Variants in L3MBTL3 observed in about 807,000 individuals in gnomAD.
The protein encoded by L3MBTL3 is lethal(3)malignant brain tumor-like protein 3.
Under a neutral mutation model 102.3 loss-of-function variants are expected in L3MBTL3, and 27 were observed. The observed-to-expected ratio is 0.26, with a 90% confidence interval of 0.19 to 0.36. The LOEUF (loss-of-function observed/expected upper bound fraction) is 0.36, where lower values mean the gene tolerates loss of function less well. L3MBTL3 is among the 10% of genes least tolerant of loss of function. The pLI, the probability that L3MBTL3 is intolerant of heterozygous loss-of-function variation, is 1.00. For missense variants in L3MBTL3, 798 were observed against 955.3 expected, an observed-to-expected ratio of 0.84 and a Z score of 2.17; for synonymous variants, 340 against 320.9, an observed-to-expected ratio of 1.06 and a Z score of -0.64.
intron 22 of L3MBTL3, among the ~76,000 whole-genome samples, chr6:130,134,463 C>T (rs181341575): frequency 1.2e-4 from 19 of 152,266 alleles, no homozygotes; most frequent in African/African-American, 4.3e-4. Context: ...ACTCCCTCTC[C>T]AAAACTTCAA....
At chr6:130,038,672 C>T (rs1283121853) in intron 2 of L3MBTL3, among the ~76,000 whole-genome samples, 1 of 151,768 alleles carries the variant, frequency 6.6e-6, no homozygotes, top group African/African-American at 2.4e-5. Flanking sequence ...GATATTAATC[C>T]CTTGTCAGAT....
intron 16 of L3MBTL3, among the ~76,000 whole-genome samples, chr6:130,088,159 C>G (rs1309965946): frequency 1.3e-5 from 2 of 152,072 alleles, no homozygotes; most frequent in Non-Finnish European, 2.9e-5. Flanking sequence ...GTCCATAACA[C>G]CCCAGAAATA....
chr6:130,079,258 C>G (rs1783158818), intron 14 of L3MBTL3, among the ~76,000 whole-genome samples: 1 of 152,104 alleles, frequency 6.6e-6, no homozygotes, highest in Non-Finnish European at 1.5e-5. Flanking sequence ...GTCGTGATTC[C>G]TGGTTCCAAA....
intron 1 of L3MBTL3, among the ~76,000 whole-genome samples, chr6:130,021,070 G>GT (rs1778980897): frequency 1.3e-5 from 2 of 152,050 alleles, no homozygotes; most frequent in Non-Finnish European, 2.9e-5. Context: ...TATTGGTTTA[G>GT]GGAGTCCGAG....
rs1788167185 is a variant in L3MBTL3, at chr6:130,140,410, C to T, written c.*657C>T. The T allele has an allele frequency of 6.6e-6, 1 of 152,588 alleles. No individual in the cohort carries two copies. Among genetic ancestry groups the T allele is most frequent in the Middle Eastern group, 3.4e-3 (1 of 294 alleles). The allele number at this position is 152,588 out of a possible 1,614,324, so 9.5% of individuals were successfully genotyped here. On this transcript the variant is annotated 3_prime_UTR_variant, in exon 23 of 23. Coordinates refer to ENST00000361794, the MANE Select transcript of L3MBTL3 (RefSeq NM_032438.4). ...GAAATGTTAAACAAATTACTTTTCA[C>T]CAGCATCTTTACTATAATTACCAAA... is the stretch of plus-strand genomic sequence containing the variant.
intron 18 of L3MBTL3, among the ~76,000 whole-genome samples, 153 bp downstream of exon 18, chr6:130,094,520 G>A (rs1445133446): frequency 6.6e-6 from 1 of 152,004 alleles, no homozygotes; most frequent in Non-Finnish European, 1.5e-5. Flanking sequence ...AAAAATGAAG[G>A]GAATATCTAT....
At chr6:130,031,436 T>C (rs1195899529) in intron 2 of L3MBTL3, among the ~76,000 whole-genome samples, 1 of 152,252 alleles carries the variant, frequency 6.6e-6, no homozygotes, top group African/African-American at 2.4e-5. Flanking sequence ...TAAGTGACTC[T>C]GGGAAACTTT....
At chr6:130,120,820 C>A in intron 19 of L3MBTL3, 59 bp from the exon 20 acceptor site, 1 of 1,309,314 alleles carries the variant, frequency 7.6e-7, no homozygotes, top group Non-Finnish European at 1.1e-6. Flanking sequence ...AGATGTAGTT[C>A]TGAACCATTT....
At chr6:130,059,279 T>C (rs1475490886) in intron 9 of L3MBTL3, among the ~76,000 whole-genome samples, 1 of 152,236 alleles carries the variant, frequency 6.6e-6, no homozygotes, top group Non-Finnish European at 1.5e-5. Flanking sequence ...ATAAGCAATA[T>C]ATATATACAC....
intron 19 of L3MBTL3, among the ~76,000 whole-genome samples, chr6:130,106,174 T>A (rs1179344016): frequency 3.9e-5 from 6 of 152,220 alleles, no homozygotes; most frequent in Non-Finnish European, 7.3e-5. Context: ...TTACTACCTA[T>A]TAAAACCTAA....
Position 130,140,852 on chromosome 6 carries a change from A to AATT in L3MBTL3, c.*1100_*1102dup, listed in dbSNP as rs1348399326. ...GAAGGAGCAACTTCAGTTGACACAA[A>AATT]ATTTGAAATGCTCACAGATCAGGGA... On this transcript the variant is annotated 3_prime_UTR_variant, in exon 23 of 23. Transcript: ENST00000361794. 2.0e-5 allele frequency: 3 copies of AATT among 152,564 alleles called. No individual in the cohort carries two copies. Among genetic ancestry groups the AATT allele is most frequent in the African/African-American group, 7.2e-5 (3 of 41,450 alleles). 9.5% of individuals were successfully genotyped at this position (152,564 alleles called of 1,614,324 possible).
intron 19 of L3MBTL3, among the ~76,000 whole-genome samples, chr6:130,111,862 A>G (rs562722224): frequency 6.6e-6 from 1 of 152,290 alleles, no homozygotes; most frequent in African/African-American, 2.4e-5. Flanking sequence ...TCAAAACTCA[A>G]TGACTTCCCG....
intron 9 of L3MBTL3, among the ~76,000 whole-genome samples, 196 bp downstream of exon 9, chr6:130,057,693 G>T (rs2114862130): frequency 6.6e-6 from 1 of 152,258 alleles, no homozygotes; most frequent in African/African-American, 2.4e-5. Context: ...TGCCATGTGT[G>T]GGTGCACACT....
chr6:130,024,682 A>C (rs767648278), intron 2 of L3MBTL3, among the ~76,000 whole-genome samples: 1 of 152,138 alleles, frequency 6.6e-6, no homozygotes, highest in Non-Finnish European at 1.5e-5. Context: ...AACTTGAGTG[A>C]TCCCTGCGGT....
chr6:130,034,962 G>A (rs924825308), intron 2 of L3MBTL3, among the ~76,000 whole-genome samples: 1 of 152,186 alleles, frequency 6.6e-6, no homozygotes, highest in Admixed American at 6.5e-5. Flanking sequence ...GCTGATGAAT[G>A]TGCATGTATA....
chr6:130,131,476 T>C (rs1443228914), intron 20 of L3MBTL3, among the ~76,000 whole-genome samples: 2 of 152,186 alleles, frequency 1.3e-5, no homozygotes, highest in Non-Finnish European at 2.9e-5. Flanking sequence ...TTTCACTCTT[T>C]GGTATATGTG....
At chr6:130,082,670 C>T (rs1255246887) in intron 14 of L3MBTL3, among the ~76,000 whole-genome samples, 1 of 152,094 alleles carries the variant, frequency 6.6e-6, no homozygotes, top group Non-Finnish European at 1.5e-5. Flanking sequence ...TTCAAGGTTC[C>T]GTGCCTCTTT....
At chr6:130,036,569 C>G (rs1460704175) in intron 2 of L3MBTL3, among the ~76,000 whole-genome samples, 1 of 152,166 alleles carries the variant, frequency 6.6e-6, no homozygotes, top group African/African-American at 2.4e-5. Flanking sequence ...AGGTTATATA[C>G]AGTACTAGCT....
intron 2 of L3MBTL3, among the ~76,000 whole-genome samples, chr6:130,028,864 A>G (rs142144478): frequency 0.018 from 2,719 of 152,288 alleles, 38 homozygotes; most frequent in Middle Eastern, 0.065. Context: ...TGGTGATGTT[A>G]TGCTTCTGCC....
Sources: gnomAD v4.1 joint callset for allele counts (sites outside exome capture counted in the v4.1 genomes callset) on GRCh38, gnomAD v4.1.1 for gene constraint, MANE v1.5 for transcripts, NCBI Gene and HGNC (gene_info 2026-07-23, HGNC 2026-07-21) for gene names.